Variants in HS1BP3 observed in about 807,000 individuals in gnomAD.
HS1BP3 encodes the protein HCLS1-binding protein 3.
Under a neutral mutation model 33.5 loss-of-function variants are expected in HS1BP3, and 32 were observed. The ratio of observed to expected loss-of-function variants is 0.95; its 90% CI spans 0.72 to 1.28. HS1BP3 has a LOEUF of 1.28. HS1BP3 is among the 50% of genes most tolerant of loss of function. The probability of loss-of-function intolerance (pLI) is 0.00; values close to 1 mark genes in which losing one functional copy is unlikely to be tolerated. For missense variants in HS1BP3, 486 were observed against 502.3 expected (o/e 0.97, Z 0.31); for synonymous variants, 187 against 209.2 (o/e 0.89, Z 0.92).
At chr2:20,634,568 G>A (rs1412422610) in intron 4 of HS1BP3, 6 of 152,210 alleles carry the variant, frequency 3.9e-5, no homozygotes, top group Admixed American at 3.3e-4. Context: ...CAGGAGGTGG[G>A]ACTGAGGCCC....
At chr2:20,592,193 T>C (rs1265248976), downstream of HS1BP3, among the ~76,000 whole-genome samples, 1 of 152,130 alleles carries the variant, frequency 6.6e-6, no homozygotes, top group Non-Finnish European at 1.5e-5. Flanking sequence ...GGTATGGTGA[T>C]GCATGTCTGT....
intron 5 of HS1BP3, among the ~76,000 whole-genome samples, chr2:20,564,496 T>G (rs1693076992): frequency 1.3e-5 from 2 of 152,160 alleles, no homozygotes; most frequent in Admixed American, 1.3e-4. Flanking sequence ...TTTGTTTTTG[T>G]TTTTTTGAGA....
At chr2:20,638,711 T>C in intron 3 of HS1BP3, 59 bp from the exon 4 acceptor site, 1 of 1,363,836 alleles carries the variant, frequency 7.3e-7, no homozygotes, top group Non-Finnish European at 1.0e-6. Flanking sequence ...AGGGGAGGCA[T>C]CTTGCCACAC....
chr2:20,635,371 T>C (rs907724819), intron 4 of HS1BP3: 1 of 152,094 alleles, frequency 6.6e-6, no homozygotes, highest in South Asian at 2.1e-4. Context: ...TGGAAGGACC[T>C]AGAACATGTA....
chr2:20,590,023 T>C (rs895052979), downstream of HS1BP3, among the ~76,000 whole-genome samples: 34 of 152,246 alleles, frequency 2.2e-4, no homozygotes, highest in Non-Finnish European at 1.3e-4. Flanking sequence ...AATTAATGTC[T>C]GGAGAGTGAA....
At chr2:20,557,822 G>A (rs764921880), downstream of HS1BP3, among the ~76,000 whole-genome samples, 19 of 152,348 alleles carry the variant, frequency 1.2e-4, no homozygotes, top group Non-Finnish European at 2.4e-4. Context: ...GGGGCCAGGT[G>A]CCAAGATGGT....
At position 20,608,637 on chromosome 2, in the gene HS1BP3, C is replaced by T. The variant is rs114649217; in HGVS notation, c.179-10372G>A. 2.2e-3 allele frequency among the ~76,000 whole-genome samples: 325 copies of T among 150,492 alleles called. 1 individual carries two copies. Among genetic ancestry groups the T allele is most frequent in the African/African-American group, 7.3e-3 (300 of 41,118 alleles). On this transcript the variant is annotated intron_variant, in intron 2 of 3. Transcript: ENST00000415264. Reference sequence around the variant, plus strand: ...GGCATCCTGTCTTGTTCCTGATCTTCGGGCAAAGATTTCTGTCTTTCACCA... The same window carrying T: ...GGCATCCTGTCTTGTTCCTGATCTTTGGGCAAAGATTTCTGTCTTTCACCA...
chr2:20,557,558 A>G (rs1458530148), downstream of HS1BP3, among the ~76,000 whole-genome samples: 1 of 152,206 alleles, frequency 6.6e-6, no homozygotes, highest in Admixed American at 6.5e-5. Context: ...ACACGTGTAC[A>G]TTTCTATAGC....
intron 6 of HS1BP3, among the ~76,000 whole-genome samples, chr2:20,621,787 G>T (rs910982600): frequency 2.0e-5 from 3 of 152,234 alleles, no homozygotes; most frequent in Non-Finnish European, 1.5e-5. Context: ...GGTGTACACG[G>T]GTGGTCAGCC....
intron 5 of HS1BP3, among the ~76,000 whole-genome samples, chr2:20,584,805 T>C (rs1021391441): frequency 1.3e-5 from 2 of 151,958 alleles, no homozygotes; most frequent in African/African-American, 4.8e-5. Context: ...TCACTTTGGG[T>C]TTGGAAGGGA....
intron 2 of HS1BP3, among the ~76,000 whole-genome samples, chr2:20,600,046 G>T (rs1694036753): frequency 6.6e-6 from 1 of 152,170 alleles, no homozygotes; most frequent in African/African-American, 2.4e-5. Context: ...GGCCAAATCA[G>T]TTAAGCTTCC....
chr2:20,615,381 T>A (rs35527388), downstream of HS1BP3, among the ~76,000 whole-genome samples: 36,064 of 152,218 alleles, frequency 0.24, 5,078 homozygotes, highest in Non-Finnish European at 0.32. Context: ...CCCCTGGATC[T>A]GCTTCCCCAC....
chr2:20,567,599 G>A (rs372155890), intron 5 of HS1BP3, among the ~76,000 whole-genome samples: 37 of 152,236 alleles, frequency 2.4e-4, no homozygotes, highest in African/African-American at 8.7e-4. Flanking sequence ...TTCCCCCCCA[G>A]ACACAGCCCC....
chr2:20,628,634 C>CAA lies in HS1BP3; in HGVS notation c.624-3744_624-3743dup, dbSNP rs113028995. Among the ~76,000 whole-genome samples the CAA allele has an allele frequency of 1.4e-3, 195 of 137,646 alleles. 2 individuals are homozygous for CAA. The highest frequency in any genetic ancestry group is 7.2e-3 in the Middle Eastern group (2 of 276). The allele number at this position is 137,646 out of a possible 152,430, so 90.3% of individuals were successfully genotyped here. A position where few individuals can be genotyped will look rare whatever the true frequency, so the allele number is the denominator to read the frequency against. ...TGGGTGACAAAGTGAGACTTTGTCT[C>CAA]AAAAAAAAAAAAAGGAAACTGTTCA... is the stretch of plus-strand genomic sequence containing the variant. On this transcript the variant is annotated intron_variant, in intron 4 of 6. Transcript: ENST00000304031.
intron 5 of HS1BP3, among the ~76,000 whole-genome samples, chr2:20,586,095 G>A (rs962107277): frequency 2.6e-5 from 4 of 152,358 alleles, no homozygotes; most frequent in Admixed American, 2.6e-4. Context: ...TGTCCTCATG[G>A]CGAGATGTAA....
chr2:20,622,198 A>C (rs1465569703), intron 6 of HS1BP3: 1 of 1,295,130 alleles, frequency 7.7e-7, no homozygotes, highest in Non-Finnish European at 1.0e-6. Context: ...GGCTATCAGA[A>C]CATTCTTTAT....
At position 20,624,799 on chromosome 2, in the gene HS1BP3, C is replaced by T. The variant is rs2305457; in HGVS notation, c.717G>A (p.Glu239=). Residue 239 remains glutamate, a synonymous_variant, in exon 5 of 7, where the codon GAG becomes GAA. Transcript: ENST00000304031. ...TIFDEEVDPD[E]GLFGPGRKLS... ...GCTTCCTGCCCGGGCCAAAGAGCCC[C>T]TCATCAGGGTCCACCTCCTCGTCAA... The T allele has an allele frequency of 0.26, 422,620 of 1,612,578 alleles. 59,263 individuals are homozygous for T. Among genetic ancestry groups the T allele is most frequent in the East Asian group, 0.46 (20,745 of 44,790 alleles).
rs150267265 is a variant in HS1BP3, at chr2:20,612,202, C to G, written c.178+11694G>C. ...GTTAAGTAACTGGCCCAGGGTCACA[C>G]AGCCAGGAAGCCCAAAAGCCAGGAG... is the stretch of plus-strand genomic sequence containing the variant. On this transcript the variant is annotated intron_variant, in intron 2 of 3. Coordinates refer to the HS1BP3 transcript ENST00000415264. Among the ~76,000 whole-genome samples the G allele has an allele frequency of 1.5e-3, 225 of 152,308 alleles. 1 individual carries two copies. The highest frequency in any genetic ancestry group is 2.7e-3 in the Non-Finnish European group (186 of 68,028).
downstream of HS1BP3, among the ~76,000 whole-genome samples, chr2:20,557,141 C>G (rs1310704501): frequency 6.6e-6 from 1 of 152,222 alleles, no homozygotes; most frequent in Non-Finnish European, 1.5e-5. Context: ...TCCCATTGAC[C>G]TCTAGCATCT....
Sources: allele counts gnomAD v4.1 joint callset (sites outside exome capture counted in the v4.1 genomes callset), GRCh38; gene constraint gnomAD v4.1.1; transcripts MANE v1.5; gene names NCBI Gene and HGNC (gene_info 2026-07-23, HGNC 2026-07-21).